RYR3: variants seen among roughly 807,000 people sequenced by gnomAD.
RYR3 encodes the protein ryanodine receptor 3, also known as brain ryanodine receptor-calcium release channel.
RYR3 carries 207 observed loss-of-function variants against 584.3 expected under a neutral mutation model. The ratio of observed to expected loss-of-function variants is 0.35; its 90% CI spans 0.32 to 0.40. RYR3 has a LOEUF of 0.40. Among genes scored for constraint, RYR3 ranks in the 10% least tolerant of loss-of-function variants. The pLI, the probability that RYR3 is intolerant of heterozygous loss-of-function variation, is 1.00. For missense variants in RYR3, 5,616 were observed against 6,089.2 expected (o/e 0.92, Z 2.59); for synonymous variants, 2,416 against 2,248.5 (o/e 1.07, Z -2.11).
At chr15:33,832,633 G>A (rs1189600269) in intron 86 of RYR3, among the ~76,000 whole-genome samples, 1 of 150,114 alleles carries the variant, frequency 6.7e-6, no homozygotes, top group Non-Finnish European at 1.5e-5. Context: ...CTACAGCATG[G>A]GTGACAGAGC....
chr15:33,724,773 T>G (rs2068219626), intron 45 of RYR3, among the ~76,000 whole-genome samples: 1 of 152,154 alleles, frequency 6.6e-6, no homozygotes, highest in Non-Finnish European at 1.5e-5. Context: ...AGAGAGGAAA[T>G]AGCTGCTTTT....
At chr15:33,848,708 C>A (rs184397886) in intron 94 of RYR3, among the ~76,000 whole-genome samples, 1 of 152,150 alleles carries the variant, frequency 6.6e-6, no homozygotes, top group Admixed American at 6.5e-5. Context: ...ATGTTCGAGT[C>A]ACACAGTGTT....
chr15:33,826,888 T>C (rs370829560), intron 84 of RYR3, 136 bp downstream of exon 84: 4 of 698,436 alleles, frequency 5.7e-6, no homozygotes, highest in Non-Finnish European at 7.6e-6. Context: ...TAAGAAACTA[T>C]GTAAATATCA....
chr15:33,769,953 A>AT (rs955409809), intron 62 of RYR3, among the ~76,000 whole-genome samples: 25 of 152,082 alleles, frequency 1.6e-4, no homozygotes, highest in Middle Eastern at 3.2e-3. Context: ...TGTCTTAAAA[A>AT]ATATATATAA....
intron 1 of RYR3, among the ~76,000 whole-genome samples, chr15:33,315,887 A>G (rs1968096184): frequency 6.6e-6 from 1 of 152,224 alleles, no homozygotes; most frequent in Admixed American, 6.5e-5. Flanking sequence ...AAACTTGGAA[A>G]TATTTGGAAT....
chr15:33,700,931 T>G (rs779124455), intron 41 of RYR3, 46 bp from the exon 42 acceptor site: 2 of 1,393,218 alleles, frequency 1.4e-6, no homozygotes, highest in Non-Finnish European at 2.0e-6. Context: ...CAGCACTGAG[T>G]GTCTTCCTCT....
intron 45 of RYR3, among the ~76,000 whole-genome samples, chr15:33,725,493 C>T (rs1370156757): frequency 2.0e-5 from 3 of 152,168 alleles, no homozygotes; most frequent in Non-Finnish European, 4.4e-5. Flanking sequence ...CACCATTGTA[C>T]GTGCTGGTTG....
At chr15:33,440,699 C>T (rs1473372744) in intron 1 of RYR3, among the ~76,000 whole-genome samples, 1 of 152,142 alleles carries the variant, frequency 6.6e-6, no homozygotes, top group East Asian at 1.9e-4. Context: ...TTCAAAATTC[C>T]ACAATTCCAG....
At chr15:33,447,774 A>G (rs1234376109) in intron 1 of RYR3, among the ~76,000 whole-genome samples, 13 of 152,200 alleles carry the variant, frequency 8.5e-5, no homozygotes, top group Non-Finnish European at 1.5e-5. Context: ...CATTTCCATC[A>G]TCACTGAAAG....
At chr15:33,492,728 G>A (rs959826352) in intron 2 of RYR3, among the ~76,000 whole-genome samples, 4 of 152,144 alleles carry the variant, frequency 2.6e-5, no homozygotes, top group Non-Finnish European at 4.4e-5. Flanking sequence ...TGATGCTGAT[G>A]CCGATTGCAC....
chr15:33,631,500 C>T (rs1312986039), intron 23 of RYR3, among the ~76,000 whole-genome samples: 1 of 152,140 alleles, frequency 6.6e-6, no homozygotes, highest in African/African-American at 2.4e-5. Context: ...TTTGCCCCTT[C>T]CACCTGGACC....
At chr15:33,368,138 G>A (rs1424672796) in intron 1 of RYR3, among the ~76,000 whole-genome samples, 1 of 152,036 alleles carries the variant, frequency 6.6e-6, no homozygotes, top group African/African-American at 2.4e-5. Flanking sequence ...TGAAAAACCA[G>A]CCTAGTTTTC....
chr15:33,773,661 GTTAC>G (rs1310283396), intron 64 of RYR3, 46 bp downstream of exon 64: 5 of 1,242,584 alleles, frequency 4.0e-6, no homozygotes, highest in East Asian at 4.9e-5. Context: ...ATAGTAAAAT[GTTAC>G]TTACAGCCTT....
At chr15:33,490,822 T>C (rs1455367167) in intron 2 of RYR3, among the ~76,000 whole-genome samples, 1 of 151,860 alleles carries the variant, frequency 6.6e-6, no homozygotes, top group Non-Finnish European at 1.5e-5. Flanking sequence ...CTCTGGTCAA[T>C]TTTTGACTTG....
At chr15:33,657,687 C>T (rs1384337141) in intron 32 of RYR3, among the ~76,000 whole-genome samples, 2 of 152,206 alleles carry the variant, frequency 1.3e-5, no homozygotes, top group African/African-American at 4.8e-5. Flanking sequence ...TTATTTCAGG[C>T]AGAGGCAGGC....
intron 1 of RYR3, among the ~76,000 whole-genome samples, chr15:33,319,986 CT>C (rs1319030785): frequency 6.6e-6 from 1 of 152,090 alleles, no homozygotes; most frequent in African/African-American, 2.4e-5. Context: ...GTAAATCAGG[CT>C]TTATTTGCAA....
chr15:33,854,515 C>A (rs947204784), intron 97 of RYR3, 66 bp downstream of exon 97: 2 of 1,343,476 alleles, frequency 1.5e-6, no homozygotes, highest in Non-Finnish European at 2.1e-6. Flanking sequence ...GAGAAGCAAG[C>A]TATGCAGGAT....
intron 1 of RYR3, among the ~76,000 whole-genome samples, chr15:33,451,403 C>T (rs1011940131): frequency 6.6e-6 from 1 of 152,050 alleles, no homozygotes; most frequent in African/African-American, 2.4e-5. Context: ...TGAGAGTGAC[C>T]ACTGGCTGCA....
intron 102 of RYR3, among the ~76,000 whole-genome samples, 190 bp downstream of exon 102, chr15:33,861,368 C>T (rs979240576): frequency 1.7e-4 from 26 of 152,006 alleles, no homozygotes; most frequent in Admixed American, 1.3e-4. Flanking sequence ...GGACAATTCC[C>T]GCTCCTAGCA....
Sources: gnomAD v4.1 joint callset for allele counts (sites outside exome capture counted in the v4.1 genomes callset) on GRCh38, gnomAD v4.1.1 for gene constraint, MANE v1.5 for transcripts, NCBI Gene and HGNC (gene_info 2026-07-23, HGNC 2026-07-21) for gene names.